The following REV1 variants were observed in gnomAD, a reference collection of about 807,000 sequenced individuals.
The protein encoded by REV1 is translesion synthesis protein REV1.
REV1 carries 42 observed loss-of-function variants against 137.4 expected under a neutral mutation model. That is an observed-to-expected ratio of 0.31 (90% CI 0.24 to 0.40). The LOEUF is 0.40. REV1 is among the 10% of genes least tolerant of loss of function. The pLI is 1.00. For synonymous variants in REV1, 524 were observed against 519.2 expected (o/e 1.01, Z -0.12); for missense variants, 1,282 against 1,490.1 (o/e 0.86, Z 2.30).
chr2:99,407,938 A>G lies in REV1; in HGVS notation c.2448+91T>C, dbSNP rs1676571327. ...CTAAAGACCTACATATAAAGTCCCTATACACCAGCAATAACCCTTTTGAGA... is the reference window on the plus strand; with the variant it reads ...CTAAAGACCTACATATAAAGTCCCTGTACACCAGCAATAACCCTTTTGAGA... On this transcript the variant is annotated intron_variant, in intron 15 of 22. Coordinates refer to ENST00000258428, the MANE Select transcript of REV1 (RefSeq NM_016316.4). The G allele has an allele frequency of 1.2e-5, 8 of 688,312 alleles. 1 individual carries two copies. The South Asian group carries it at 1.9e-4, about 16-fold the overall frequency. The allele number at this position is 688,312 out of a possible 1,614,324, so 42.6% of individuals were successfully genotyped here. A position where few individuals can be genotyped will look rare whatever the true frequency, so the allele number is the denominator to read the frequency against.
At chr2:99,454,852 A>G (rs1683362049) in intron 3 of REV1, among the ~76,000 whole-genome samples, 2 of 152,242 alleles carry the variant, frequency 1.3e-5, no homozygotes, top group African/African-American at 2.4e-5. Context: ...AGTGACAGAC[A>G]ATTGAAAGCA....
At chr2:99,404,756 A>G in intron 17 of REV1, 79 bp from the exon 18 acceptor site, 1 of 949,420 alleles carries the variant, frequency 1.1e-6, no homozygotes, top group Non-Finnish European at 1.6e-6. Context: ...ACGCCACTTT[A>G]AATTTCAATT....
intron 1 of REV1, among the ~76,000 whole-genome samples, chr2:99,472,259 T>C (rs1379362999): frequency 4.6e-5 from 7 of 152,180 alleles, no homozygotes; most frequent in African/African-American, 7.2e-5. Context: ...TGCTACAACT[T>C]GCATGAACCT....
chr2:99,453,910 A>C (rs1683218095), intron 3 of REV1, among the ~76,000 whole-genome samples: 1 of 140,506 alleles, frequency 7.1e-6, no homozygotes, highest in Admixed American at 7.6e-5. Context: ...AAAAAAAAAA[A>C]AAAAAATCAA....
At chr2:99,401,401 T>A in intron 22 of REV1, 49 bp from the exon 23 acceptor site, 2 of 1,227,154 alleles carry the variant, frequency 1.6e-6, no homozygotes, top group Non-Finnish European at 2.3e-6. Flanking sequence ...GAAAGGTCCT[T>A]AAGACTAATT....
At chr2:99,484,971 C>T (rs1416874392) in intron 1 of REV1, among the ~76,000 whole-genome samples, 2 of 152,166 alleles carry the variant, frequency 1.3e-5, no homozygotes, top group African/African-American at 4.8e-5. Context: ...TAAGACACTG[C>T]ACCTAGGAAA....
intron 6 of REV1, chr2:99,436,619 TTAAGGAGATAAAGGTGAGTGTCCTCACC>T (rs1198089934): frequency 1.3e-5 from 2 of 152,254 alleles, no homozygotes; most frequent in Non-Finnish European, 2.9e-5. Flanking sequence ...TATACCACAT[TTAAGGAGATAAAGGTGAGTGTCCTCACC>T]TAAGGACAAA....
chr2:99,405,815 G>A (rs1177629384), intron 17 of REV1, 95 bp downstream of exon 17: 8 of 875,960 alleles, frequency 9.1e-6, no homozygotes, highest in Non-Finnish European at 1.3e-5. Flanking sequence ...AACGGATGAA[G>A]AAATAAAAAT....
chr2:99,474,829 T>C (rs564948062), intron 1 of REV1, among the ~76,000 whole-genome samples: 17 of 151,592 alleles, frequency 1.1e-4, no homozygotes, highest in South Asian at 6.2e-4. Context: ...TTGAACGCGG[T>C]AGGCAGAGGT....
chr2:99,458,021 A>G (rs1248346276), intron 3 of REV1, among the ~76,000 whole-genome samples: 1 of 152,196 alleles, frequency 6.6e-6, no homozygotes, highest in Non-Finnish European at 1.5e-5. Context: ...AATATAGAAG[A>G]AAACATTTGG....
At chr2:99,403,300 C>T (rs1675763444) in intron 19 of REV1, 194 bp from the exon 20 acceptor site, 2 of 597,996 alleles carry the variant, frequency 3.3e-6, no homozygotes, top group Non-Finnish European at 5.8e-6. Context: ...TGCTTTGCCA[C>T]TTACTAATTT....
chr2:99,452,055 A>C (rs1438249027), intron 3 of REV1, among the ~76,000 whole-genome samples: 9 of 152,112 alleles, frequency 5.9e-5, no homozygotes, highest in Non-Finnish European at 1.3e-4. Context: ...ATACACGATA[A>C]CTGCAGATTT....
rs541049997 is a variant in REV1 at position 99,479,713 on chromosome 2, G to A, written c.-11+10104C>T. Among the ~76,000 whole-genome samples, 23 of 152,068 alleles carry A rather than the reference G, an allele frequency of 1.5e-4. No homozygotes were observed. In the East Asian group the frequency reaches 2.5e-3, roughly 17 times the overall value. On this transcript the variant is annotated intron_variant, in intron 1 of 22. Coordinates refer to ENST00000258428, the MANE Select transcript of REV1 (RefSeq NM_016316.4). ...TGAGGTGGGAGGATCGCTTGAGCCT[G>A]GAAGGTCAAGGCTGCAGTGAACCAC...
intron 1 of REV1, among the ~76,000 whole-genome samples, chr2:99,466,125 G>A (rs557249106): frequency 2.7e-4 from 41 of 151,834 alleles, no homozygotes; most frequent in African/African-American, 9.4e-4. Flanking sequence ...TCTTTTTTTT[G>A]TATTTTTAGT....
At chr2:99,481,896 A>AT (rs1046977598) in intron 1 of REV1, among the ~76,000 whole-genome samples, 5 of 152,180 alleles carry the variant, frequency 3.3e-5, no homozygotes. Context: ...CCATTGTCTG[A>AT]TTCCTGGAAA....
At chr2:99,464,118 A>T (rs1235744616) in intron 2 of REV1, among the ~76,000 whole-genome samples, 1 of 152,238 alleles carries the variant, frequency 6.6e-6, no homozygotes, top group Non-Finnish European at 1.5e-5. Context: ...AACTTTCATT[A>T]GATAACATTC....
At chr2:99,406,776 T>C (rs1176094625) in intron 15 of REV1, 1 of 223,306 alleles carries the variant, frequency 4.5e-6, no homozygotes, top group Non-Finnish European at 8.6e-6. Flanking sequence ...AATACTGTAT[T>C]CCACTGATGT....
chr2:99,423,049 G>A (rs568246918), intron 10 of REV1, among the ~76,000 whole-genome samples: 46 of 152,308 alleles, frequency 3.0e-4, no homozygotes, highest in Non-Finnish European at 6.0e-4. Context: ...TAATTAGTGT[G>A]TTCTCTTTGT....
At chr2:99,410,164 C>T (rs1229257471) in intron 14 of REV1, among the ~76,000 whole-genome samples, 2 of 152,096 alleles carry the variant, frequency 1.3e-5, no homozygotes, top group Non-Finnish European at 2.9e-5. Flanking sequence ...GCGAATGCCA[C>T]CATGTCCGGC....
Sources: gnomAD v4.1 joint callset for allele counts (sites outside exome capture counted in the v4.1 genomes callset) on GRCh38, gnomAD v4.1.1 for gene constraint, MANE v1.5 for transcripts, NCBI Gene and HGNC (gene_info 2026-07-23, HGNC 2026-07-21) for gene names.